TIAL1: variants seen among roughly 807,000 people sequenced by gnomAD.
TIAL1 encodes the protein nucleolysin TIAR.
Under a neutral mutation model 59.7 loss-of-function variants are expected in TIAL1, and 7 were observed. The ratio of observed to expected loss-of-function variants is 0.12; its 90% CI spans 0.07 to 0.22. TIAL1 has a LOEUF of 0.22. TIAL1 is among the 10% of genes least tolerant of loss of function. The pLI is 1.00. For synonymous variants in TIAL1, 149 were observed against 146.3 expected (o/e 1.02, Z -0.13); for missense variants, 225 against 462.5 (o/e 0.49, Z 4.71).
Position 119,591,272 on chromosome 10 carries a change from G to A in TIAL1, c.33-3024C>T, listed in dbSNP as rs562698016. On this transcript the variant is annotated intron_variant, in intron 1 of 11. Transcript: ENST00000436547. ...CACAAAAAATTAGCCAGGCATGGTG[G>A]CGGGCACCTGTAATCCCAGCTACTT... is the stretch of plus-strand genomic sequence containing the variant. 5.7e-4 allele frequency among the ~76,000 whole-genome samples: 86 copies of A among 152,200 alleles called. No homozygotes were observed. The South Asian group carries it at 0.017, about 30-fold the overall frequency.
At position 119,575,029 on chromosome 10, in the gene TIAL1, G is replaced by A. The variant is rs773641173; in HGVS notation, c.*636C>T. ...GGAAGTTTTAAAAATATGTCTTAACGTGGACCACCAACATTTGCTCAAGTA... is the reference window on the plus strand; with the variant it reads ...GGAAGTTTTAAAAATATGTCTTAACATGGACCACCAACATTTGCTCAAGTA... On this transcript the variant is annotated 3_prime_UTR_variant, in exon 12 of 12. Transcript: ENST00000436547. 5 of 152,480 alleles carry A rather than the reference G, an allele frequency of 3.3e-5. No homozygotes were observed. Among genetic ancestry groups the A allele is most frequent in the Non-Finnish European group, 5.9e-5 (4 of 68,026 alleles). 9.4% of individuals were successfully genotyped at this position (152,480 alleles called of 1,614,324 possible).
chr10:119,585,349 C>CT (rs1386744486), intron 2 of TIAL1, among the ~76,000 whole-genome samples: 1 of 150,926 alleles, frequency 6.6e-6, no homozygotes, highest in Non-Finnish European at 1.5e-5. Flanking sequence ...ACTTGGGAGA[C>CT]TGAGGTGGGA....
At chr10:119,590,784 GAAAGAA>G (rs1313816057) in intron 1 of TIAL1, among the ~76,000 whole-genome samples, 1 of 134,910 alleles carries the variant, frequency 7.4e-6, no homozygotes, top group Non-Finnish European at 1.6e-5. Flanking sequence ...AAGAAAGAAA[GAAAGAA>G]AGAAAGAAAG....
intron 1 of TIAL1, among the ~76,000 whole-genome samples, chr10:119,596,050 AC>A (rs1253241254): frequency 8.5e-6 from 1 of 118,188 alleles, no homozygotes; most frequent in East Asian, 2.2e-4. Flanking sequence ...CCCCAATCCT[AC>A]CCCCGCCAGG....
intron 1 of TIAL1, among the ~76,000 whole-genome samples, 189 bp downstream of exon 1, chr10:119,596,245 T>C (rs565626045): frequency 1.3e-5 from 2 of 152,148 alleles, no homozygotes; most frequent in African/African-American, 2.4e-5. Flanking sequence ...AAGTGACTGT[T>C]TGGGGGAAGG....
chr10:119,593,607 T>C (rs899288868), intron 1 of TIAL1: 24 of 543,060 alleles, frequency 4.4e-5, no homozygotes, highest in African/African-American at 3.5e-4. Context: ...TAAAACATAC[T>C]GGCCACTTGA....
At chr10:119,594,109 G>A (rs1449458209) in intron 1 of TIAL1, among the ~76,000 whole-genome samples, 1 of 148,226 alleles carries the variant, frequency 6.7e-6, no homozygotes, top group Non-Finnish European at 1.5e-5. Flanking sequence ...GGTGGGAGAA[G>A]GAAAAAGGAA....
chr10:119,576,870 A>T, intron 10 of TIAL1, 120 bp from the exon 11 acceptor site: 1 of 1,416,956 alleles, frequency 7.1e-7, no homozygotes, highest in African/African-American at 1.4e-5. Flanking sequence ...GGACTCTGTT[A>T]TTTATCATTG....
In TIAL1 at chr10:119,596,605, T is replaced by C. The variant is rs1846214335; in HGVS notation, c.-140A>G. ...CACCGAACCCTGCTCTCGGGCTCTC[T>C]CCCCCCAGCCCGCTCCGGACACTGC... On this transcript the variant is annotated 5_prime_UTR_variant, in exon 1 of 12. Transcript: ENST00000436547. 1 of 673,748 alleles carries C rather than the reference T, an allele frequency of 1.5e-6. No individual in the cohort carries two copies. The highest frequency in any genetic ancestry group is 2.5e-6 in the Non-Finnish European group (1 of 399,664). 41.7% of individuals were successfully genotyped at this position (673,748 alleles called of 1,614,324 possible). A position where few individuals can be genotyped will look rare whatever the true frequency, so the allele number is the denominator to read the frequency against.
chr10:119,583,679 A>C (rs112852981), intron 2 of TIAL1, among the ~76,000 whole-genome samples: 83 of 152,338 alleles, frequency 5.4e-4, no homozygotes, highest in Non-Finnish European at 1.1e-3. Context: ...ATTCCAGGAA[A>C]GTTTTAGAAG....
chr10:119,587,470 T>C (rs1191518272), intron 2 of TIAL1, among the ~76,000 whole-genome samples: 6 of 152,328 alleles, frequency 3.9e-5, no homozygotes, highest in Middle Eastern at 3.4e-3. Context: ...GCACTTTAAG[T>C]TGTCTGCTTC....
intron 1 of TIAL1, among the ~76,000 whole-genome samples, chr10:119,591,299 G>T (rs529844130): frequency 6.6e-6 from 1 of 151,964 alleles, no homozygotes; most frequent in Non-Finnish European, 1.5e-5. Context: ...CAGCTACTTG[G>T]GGGAGGCTGA....
At position 119,575,671 on chromosome 10, in the gene TIAL1, T is replaced by C. The variant is rs1383843505; in HGVS notation, c.1122A>G (p.Thr374=). ...QAGYGMASYQ[T]Q Reference sequence around the variant, plus strand: ...TTTTTTTTAGAGTCCCGGCTCACTGTGTTTGGTAACTTGCCATACCATATC... The same window carrying C: ...TTTTTTTTAGAGTCCCGGCTCACTGCGTTTGGTAACTTGCCATACCATATC... Residue 374 remains threonine (T), a synonymous_variant, in exon 12 of 12, where the codon ACA becomes ACG. Coordinates refer to ENST00000436547, the MANE Select transcript of TIAL1 (RefSeq NM_003252.4). The C allele has an allele frequency of 1.2e-6, 2 of 1,613,608 alleles. No homozygotes were observed. The highest frequency in any genetic ancestry group is 1.7e-5 in the Admixed American group (1 of 59,932).
chr10:119,575,814 T>C (rs1317044031), intron 11 of TIAL1, 23 bp from the exon 12 acceptor site: 4 of 1,517,380 alleles, frequency 2.6e-6, no homozygotes, highest in African/African-American at 1.4e-5. Flanking sequence ...AGAAAAAATC[T>C]TCAGCAAACA....
intron 1 of TIAL1, among the ~76,000 whole-genome samples, chr10:119,590,066 A>C (rs1845773243): frequency 6.6e-6 from 1 of 152,244 alleles, no homozygotes; most frequent in Admixed American, 6.5e-5. Context: ...AAAAACTTAA[A>C]AGATCCAATT....
intron 1 of TIAL1, among the ~76,000 whole-genome samples, chr10:119,590,820 G>C (rs535791933): frequency 2.0e-5 from 3 of 147,158 alleles, no homozygotes; most frequent in African/African-American, 5.0e-5. Flanking sequence ...AAGAAAGAAA[G>C]AAACGAACAA....
chr10:119,579,324 C>T lies in TIAL1; in HGVS notation c.448-490G>A, dbSNP rs757773208. 7.2e-5 allele frequency among the ~76,000 whole-genome samples: 11 copies of T among 152,002 alleles called. No individual in the cohort carries two copies. The South Asian group carries it at 1.9e-3, about 26-fold the overall frequency. The stretch of plus-strand genomic sequence containing the variant: ...CTGGACTCCAGCCTGGGCAACAGAG[C>T]GAGACTCTATCTCAAAAAAACAAAA... On this transcript the variant is annotated intron_variant, in intron 6 of 11. Coordinates refer to ENST00000436547, the MANE Select transcript of TIAL1 (RefSeq NM_003252.4).
At chr10:119,593,603 A>G (rs1845997987) in intron 1 of TIAL1, 1 of 574,106 alleles carries the variant, frequency 1.7e-6, no homozygotes, top group Non-Finnish European at 2.2e-6. Context: ...CTTTTAAAAC[A>G]TACTGGCCAC....
chr10:119,578,967 C>A, intron 6 of TIAL1, 133 bp from the exon 7 acceptor site: 2 of 661,172 alleles, frequency 3.0e-6, no homozygotes, highest in South Asian at 1.9e-5. Context: ...CTAAACAAAA[C>A]GAAACTGAAC....
Sources: allele counts gnomAD v4.1 joint callset (sites outside exome capture counted in the v4.1 genomes callset), GRCh38; gene constraint gnomAD v4.1.1; transcripts MANE v1.5; gene names NCBI Gene and HGNC (gene_info 2026-07-23, HGNC 2026-07-21).